The following LRRC43 variants were observed in gnomAD, a reference collection of about 807,000 sequenced individuals.
LRRC43 encodes the protein leucine rich repeat containing 43.
A neutral mutation model predicts 64.3 loss-of-function variants in LRRC43; 62 were observed. That is an observed-to-expected ratio of 0.96 (90% CI 0.79 to 1.19). The LOEUF is 1.19. Among genes scored for constraint, LRRC43 ranks in the 50% most tolerant of loss-of-function variants. The probability of loss-of-function intolerance (pLI) is 0.00; values close to 1 mark genes in which losing one functional copy is unlikely to be tolerated. For missense variants in LRRC43, 868 were observed against 845.0 expected, an observed-to-expected ratio of 1.03 and a Z score of -0.34; for synonymous variants, 422 against 382.3, an observed-to-expected ratio of 1.10 and a Z score of -1.21.
At chr12:122,180,184 G>A (rs1400239445), upstream of LRRC43, among the ~76,000 whole-genome samples, 1 of 151,998 alleles carries the variant, frequency 6.6e-6, no homozygotes, top group Non-Finnish European at 1.5e-5. Context: ...ATAAATTTTT[G>A]GTGTGGCAGT....
At position 122,198,623 on chromosome 12, in the gene LRRC43, C is replaced by CTTTTT. The variant is rs1012460173; in HGVS notation, c.1350-1547_1350-1543dup. Among the ~76,000 whole-genome samples the CTTTTT allele has an allele frequency of 1.2e-3, 118 of 100,438 alleles. 2 individuals are homozygous for CTTTTT. The highest frequency in any genetic ancestry group is 4.1e-3 in the African/African-American group (87 of 21,288). The allele number at this position is 100,438 out of a possible 152,430, so 65.9% of individuals were successfully genotyped here. A position where few individuals can be genotyped will look rare whatever the true frequency, so the allele number is the denominator to read the frequency against. The stretch of plus-strand genomic sequence containing the variant: ...TGTAATAAGTATCAGTGCTTCATTC[C>CTTTTT]TTTTTTTTTTTTTTTTTTTTTTTGA... On this transcript the variant is annotated intron_variant, in intron 7 of 11. Coordinates refer to ENST00000339777, the MANE Select transcript of LRRC43 (RefSeq NM_001098519.2).
chr12:122,199,053 C>T (rs2136060561), intron 7 of LRRC43, among the ~76,000 whole-genome samples: 1 of 151,408 alleles, frequency 6.6e-6, no homozygotes, highest in East Asian at 1.9e-4. Context: ...TCTCGGCTCA[C>T]TGCAACCTCC....
upstream of LRRC43, among the ~76,000 whole-genome samples, chr12:122,181,904 C>T (rs567106733): frequency 4.6e-5 from 7 of 151,804 alleles, no homozygotes; most frequent in South Asian, 1.2e-3. Flanking sequence ...TCGCGCCCAG[C>T]CTAATTTTTC....
chr12:122,182,075 G>A (rs1953586443), upstream of LRRC43, among the ~76,000 whole-genome samples: 2 of 152,028 alleles, frequency 1.3e-5, no homozygotes, highest in Non-Finnish European at 2.9e-5. Context: ...CCTCAGGAAT[G>A]GGATCAATGT....
At chr12:122,169,153 G>A (rs1953463948) in intron 1 of LRRC43, among the ~76,000 whole-genome samples, 1 of 152,158 alleles carries the variant, frequency 6.6e-6, no homozygotes, top group Non-Finnish European at 1.5e-5. Flanking sequence ...TTAGAAGGGA[G>A]TCACCAAGTC....
chr12:122,193,073 G>T, intron 7 of LRRC43, 69 bp downstream of exon 7: 1 of 1,521,282 alleles, frequency 6.6e-7, no homozygotes, highest in Non-Finnish European at 8.9e-7. Flanking sequence ...ACCACACTGC[G>T]ACCTTCCATT....
chr12:122,176,683 C>A lies in LRRC43; in HGVS notation c.-405-7836C>A, dbSNP rs926324802. Among the ~76,000 whole-genome samples, 17 of 151,354 alleles carry A rather than the reference C, an allele frequency of 1.1e-4. No homozygotes were observed. The East Asian group carries it at 2.7e-3, about 24-fold the overall frequency. On this transcript the variant is annotated intron_variant, in intron 1 of 5. Coordinates refer to the LRRC43 transcript ENST00000537729. ...ATTTTTTTTTTTCTTAAGACAGAGT[C>A]TCACTTTGTCGCACAGGCAGGAGTG...
At position 122,190,237 on chromosome 12, in the gene LRRC43, G is replaced by T; in HGVS notation, c.770G>T (p.Gly257Val). The T allele has an allele frequency of 6.2e-7, 1 of 1,614,156 alleles. No homozygotes were observed. Among genetic ancestry groups the T allele is most frequent in the Non-Finnish European group, 8.5e-7 (1 of 1,180,028 alleles). The change falls in exon 5 of 12, where the codon GGA becomes GTA. Residue 257 changes from glycine (G) to valine (V), a missense_variant. Gly to Val is a moderately radical substitution (Grantham distance 109). Transcript: ENST00000339777. ...CACCTGCGACTCCTGGTGCTGCAGGGAAACCCACTGGCCTTGGTGCCCTAC... is the reference window on the plus strand; with the variant it reads ...CACCTGCGACTCCTGGTGCTGCAGGTAAACCCACTGGCCTTGGTGCCCTAC... Reference protein sequence around the residue: ...LRHLRLLVLQGNPLALVPYYR... With the variant: ...LRHLRLLVLQVNPLALVPYYR...
At chr12:122,189,881 T>C (rs562344273) in intron 4 of LRRC43, among the ~76,000 whole-genome samples, 1 of 152,224 alleles carries the variant, frequency 6.6e-6, no homozygotes, top group South Asian at 2.1e-4. Flanking sequence ...AGGAGCCCCG[T>C]GAAGGGAGGT....
At chr12:122,186,979 A>G (rs1048073448) in intron 3 of LRRC43, among the ~76,000 whole-genome samples, 10 of 152,102 alleles carry the variant, frequency 6.6e-5, no homozygotes, top group Admixed American at 6.6e-4. Flanking sequence ...GTAGGCCTGA[A>G]TCCCAGCACT....
intron 1 of LRRC43, among the ~76,000 whole-genome samples, chr12:122,168,486 G>C (rs188222184): frequency 6.7e-6 from 1 of 149,674 alleles, no homozygotes; most frequent in Non-Finnish European, 1.5e-5. Flanking sequence ...TTGGGATCTC[G>C]CCATGTTGCC....
In LRRC43 at chr12:122,173,400, T is replaced by G. The variant is rs1364285367; in HGVS notation, c.-406+5618T>G. Among the ~76,000 whole-genome samples, 6 of 152,358 alleles carry G rather than the reference T, an allele frequency of 3.9e-5. No homozygotes were observed. The East Asian group carries it at 9.6e-4, about 24-fold the overall frequency. Reference sequence around the variant, plus strand: ...ATTTGTTTGTTTGATCAAAGCTATCTTGGCTGGGCACAGTGGCTCACGCCT... The same window carrying G: ...ATTTGTTTGTTTGATCAAAGCTATCGTGGCTGGGCACAGTGGCTCACGCCT... On this transcript the variant is annotated intron_variant, in intron 1 of 5. Coordinates refer to the LRRC43 transcript ENST00000537729.
chr12:122,176,198 A>G (rs994353266), intron 1 of LRRC43, among the ~76,000 whole-genome samples: 1 of 152,206 alleles, frequency 6.6e-6, no homozygotes, highest in Non-Finnish European at 1.5e-5. Context: ...GTGACATTGA[A>G]GAAGAGACTG....
chr12:122,186,383 C>A, intron 3 of LRRC43, 83 bp downstream of exon 3: 1 of 854,200 alleles, frequency 1.2e-6, no homozygotes, highest in Non-Finnish European at 1.9e-6. Flanking sequence ...ATAGTGTGGC[C>A]AGCATGGGTG....
intron 4 of LRRC43, among the ~76,000 whole-genome samples, chr12:122,189,238 A>G (rs1272359662): frequency 3.9e-5 from 6 of 152,084 alleles, no homozygotes; most frequent in East Asian, 1.9e-4. Context: ...GCAGCCCAGC[A>G]AGGATGGAAG....
intron 1 of LRRC43, among the ~76,000 whole-genome samples, chr12:122,177,889 GTGCAGTGGCA>G (rs1197256232): frequency 6.6e-6 from 1 of 151,440 alleles, no homozygotes; most frequent in Non-Finnish European, 1.5e-5. Flanking sequence ...CCAGGATGGA[GTGCAGTGGCA>G]TGATCTTGGC....
intron 7 of LRRC43, among the ~76,000 whole-genome samples, chr12:122,199,424 G>A (rs1953808492): frequency 6.6e-6 from 1 of 151,464 alleles, no homozygotes; most frequent in Non-Finnish European, 1.5e-5. Context: ...CTGGGACCAC[G>A]GGCACATGCC....
Position 122,183,169 on chromosome 12 carries a change from T to C in LRRC43, c.25T>C (p.Ser9Pro), listed in dbSNP as rs1475313553. 10 of 1,552,652 alleles carry C rather than the reference T, an allele frequency of 6.4e-6. No homozygotes were observed. Among genetic ancestry groups the C allele is most frequent in the Non-Finnish European group, 8.6e-6 (10 of 1,156,346 alleles). The change falls in exon 1 of 12, where the codon TCC becomes CCC. Residue 9 changes from serine to proline, a missense_variant. Physicochemically the swap from Ser to Pro is moderately conservative, Grantham distance 74 (BLOSUM62 -1). Transcript: ENST00000339777. ...CATGGAGGCGTCGTACGAGTCCGAGTCCGAGTCCGAGTCTGAGGCCGGGCC... is the reference window on the plus strand; with the variant it reads ...CATGGAGGCGTCGTACGAGTCCGAGCCCGAGTCCGAGTCTGAGGCCGGGCC... MEASYESE[S>P]ESESEAGPGT...
intron 1 of LRRC43, among the ~76,000 whole-genome samples, chr12:122,170,353 C>T (rs1316331430): frequency 6.6e-5 from 10 of 152,156 alleles, no homozygotes; most frequent in East Asian, 1.9e-4. Context: ...GCTACGGGGC[C>T]GGGCACGGTG....
Sources: gnomAD v4.1 joint callset for allele counts (sites outside exome capture counted in the v4.1 genomes callset) on GRCh38, gnomAD v4.1.1 for gene constraint, MANE v1.5 for transcripts, NCBI Gene and HGNC (gene_info 2026-07-23, HGNC 2026-07-21) for gene names.